EPAS1: variants seen among roughly 807,000 people sequenced by gnomAD.
The protein encoded by EPAS1 is endothelial PAS domain protein 1.
In EPAS1, 23 loss-of-function variants were observed where a neutral mutation model predicts 87.9. That is an observed-to-expected ratio of 0.26 (90% CI 0.19 to 0.37). EPAS1 has a LOEUF of 0.37. EPAS1 is among the 10% of genes least tolerant of loss of function. EPAS1 has a pLI of 1.00. For missense variants in EPAS1, 1,138 were observed against 1,120.7 expected, an observed-to-expected ratio of 1.02 and a Z score of -0.22; for synonymous variants, 508 against 444.3, an observed-to-expected ratio of 1.14 and a Z score of -1.80.
At chr2:46,314,576 G>A (rs1683275723) in intron 1 of EPAS1, among the ~76,000 whole-genome samples, 1 of 152,170 alleles carries the variant, frequency 6.6e-6, no homozygotes, top group South Asian at 2.1e-4. Context: ...TCTTCACAAT[G>A]GACTAGTAAG....
At chr2:46,320,852 G>T (rs1194323929) in intron 1 of EPAS1, among the ~76,000 whole-genome samples, 1 of 152,180 alleles carries the variant, frequency 6.6e-6, no homozygotes, top group Non-Finnish European at 1.5e-5. Context: ...TGGGGTTAAG[G>T]TGGTTAAATC....
chr2:46,381,826 T>G lies in EPAS1; in HGVS notation c.2172+104T>G, dbSNP rs556678085. On this transcript the variant is annotated intron_variant, in intron 13 of 15. Coordinates refer to ENST00000263734, the MANE Select transcript of EPAS1 (RefSeq NM_001430.5). ...GGCCCTTCCAAGCCAGCATAGCCCT[T>G]AGGGAACCCAGGGCTGCTGAGAGGG... The G allele has an allele frequency of 1.9e-6, 3 of 1,573,806 alleles. No homozygotes were observed. In the African/African-American group the frequency reaches 4.1e-5, roughly 21 times the overall value.
At chr2:46,351,561 G>T (rs942528172) in intron 2 of EPAS1, among the ~76,000 whole-genome samples, 1 of 152,140 alleles carries the variant, frequency 6.6e-6, no homozygotes, top group African/African-American at 2.4e-5. Flanking sequence ...CTGCACATCC[G>T]GGAGGGCGGG....
intron 1 of EPAS1, among the ~76,000 whole-genome samples, chr2:46,333,977 T>A (rs1683738201): frequency 6.6e-6 from 1 of 151,998 alleles, no homozygotes; most frequent in Admixed American, 6.6e-5. Flanking sequence ...ATCCCATGGG[T>A]AACATTTATG....
At chr2:46,339,856 A>C (rs868014750) in intron 1 of EPAS1, among the ~76,000 whole-genome samples, 13 of 152,180 alleles carry the variant, frequency 8.5e-5, no homozygotes, top group Non-Finnish European at 1.8e-4. Flanking sequence ...AAGGGGTGAG[A>C]GGGTTCCCCT....
chr2:46,345,000 T>G (rs1458274650), intron 1 of EPAS1, among the ~76,000 whole-genome samples: 1 of 152,254 alleles, frequency 6.6e-6, no homozygotes, highest in Non-Finnish European at 1.5e-5. Flanking sequence ...AATACAGATT[T>G]TCTGTCCAAA....
In EPAS1 at chr2:46,382,139, C is replaced by T. The variant is rs144804391; in HGVS notation, c.2287+50C>T. 2,830 of 1,559,464 alleles carry T rather than the reference C, an allele frequency of 1.8e-3. 51 individuals are homozygous for T. In the African/African-American group the frequency reaches 0.035, roughly 19 times the overall value. ...CCTCCTGGGGGTTCTGGTGGAAGGA[C>T]TGGGGCTCGGGAGCCCATCCTGGTT... On this transcript the variant is annotated intron_variant, in intron 14 of 15. Coordinates refer to ENST00000263734, the MANE Select transcript of EPAS1 (RefSeq NM_001430.5).
At chr2:46,344,438 C>T (rs1476387085) in intron 1 of EPAS1, among the ~76,000 whole-genome samples, 1 of 152,214 alleles carries the variant, frequency 6.6e-6, no homozygotes, top group Admixed American at 6.5e-5. Context: ...TGTTGGAGAG[C>T]ACAAGGGTTA....
At position 46,354,313 on chromosome 2, in the gene EPAS1, A is replaced by G. The variant is rs1347916238; in HGVS notation, c.218-1838A>G. ...AGTTCAGTGAATGTTAATGTTTGCA[A>G]CTGACATATTACTCTCATCCACTTG... On this transcript the variant is annotated intron_variant, in intron 2 of 15. Transcript: ENST00000263734. 3.3e-5 allele frequency among the ~76,000 whole-genome samples: 5 copies of G among 152,178 alleles called. No homozygotes were observed. The East Asian group carries it at 7.7e-4, about 23-fold the overall frequency.
At chr2:46,322,106 C>A (rs536766599) in intron 1 of EPAS1, among the ~76,000 whole-genome samples, 58 of 152,222 alleles carry the variant, frequency 3.8e-4, no homozygotes, top group African/African-American at 1.3e-3. Context: ...ATCCTGGGCC[C>A]ACTTTCTTCC....
chr2:46,329,091 G>C (rs1322198122), intron 1 of EPAS1, among the ~76,000 whole-genome samples: 1 of 152,232 alleles, frequency 6.6e-6, no homozygotes, highest in Middle Eastern at 3.2e-3. Flanking sequence ...ACTTGATAGA[G>C]TGTTAGAGCT....
At chr2:46,302,734 G>GAA (rs368452487) in intron 1 of EPAS1, among the ~76,000 whole-genome samples, 89 of 119,458 alleles carry the variant, frequency 7.5e-4, no homozygotes, top group East Asian at 2.7e-3. Context: ...GTCTGATTAG[G>GAA]AAAAAAAAAA....
rs1684873988 is a variant in EPAS1, at chr2:46,380,854, G to A, written c.2045+137G>A. ...CCCATTTAGCCCTTCTCTGAGCTCA[G>A]ACTTTGGGGAATCACCTCAAGCCAT... On this transcript the variant is annotated intron_variant, in intron 12 of 15. Transcript: ENST00000263734. This position sits in a 1 kb window ranked among gnomAD's most constrained non-coding sequence, Gnocchi z 4.4. 1 of 1,463,214 alleles carries A rather than the reference G, an allele frequency of 6.8e-7. No homozygotes were observed. Among genetic ancestry groups the A allele is most frequent in the African/African-American group, 1.4e-5 (1 of 71,340 alleles). 90.6% of individuals were successfully genotyped at this position (1,463,214 alleles called of 1,614,324 possible). A position where few individuals can be genotyped will look rare whatever the true frequency, so the allele number is the denominator to read the frequency against.
chr2:46,369,954 T>C, intron 7 of EPAS1, 21 bp downstream of exon 7: 1 of 1,576,398 alleles, frequency 6.3e-7, no homozygotes, highest in Middle Eastern at 1.7e-4. Context: ...GGAGTGCCCC[T>C]TGTGGCTTCC....
intron 1 of EPAS1, among the ~76,000 whole-genome samples, chr2:46,325,134 T>C (rs769198921): frequency 3.9e-5 from 6 of 152,206 alleles, no homozygotes; most frequent in Non-Finnish European, 7.3e-5. Context: ...TTAAAAAGCA[T>C]GGTGAGGAAG....
At chr2:46,319,839 T>A (rs1683417686) in intron 1 of EPAS1, among the ~76,000 whole-genome samples, 1 of 152,242 alleles carries the variant, frequency 6.6e-6, no homozygotes, top group Admixed American at 6.5e-5. Flanking sequence ...TACTGTTTAG[T>A]CAAGACAAAT....
In EPAS1 at chr2:46,381,000, G is replaced by A. The variant is rs145312606; in HGVS notation, c.2045+283G>A. Among the ~76,000 whole-genome samples, 2 of 152,132 alleles carry A rather than the reference G, an allele frequency of 1.3e-5. No individual in the cohort carries two copies. The highest frequency in any genetic ancestry group is 6.5e-5 in the Admixed American group (1 of 15,284). ...TCGGACCACCACCAGAGTGCCTTTC[G>A]TATCTCGGTTCATCATCTGAGCCAC... On this transcript the variant is annotated intron_variant, in intron 12 of 15. Coordinates refer to ENST00000263734, the MANE Select transcript of EPAS1 (RefSeq NM_001430.5). The surrounding 1 kb of genome is among the most constrained non-coding windows in gnomAD (Gnocchi z 4.4).
Position 46,339,240 on chromosome 2 carries a change from C to T in EPAS1, c.27-7633C>T, listed in dbSNP as rs1413777384. Among the ~76,000 whole-genome samples, 6 of 152,248 alleles carry T rather than the reference C, an allele frequency of 3.9e-5. No individual in the cohort carries two copies. The East Asian group carries it at 1.2e-3, about 29-fold the overall frequency. On this transcript the variant is annotated intron_variant, in intron 1 of 15. Coordinates refer to ENST00000263734, the MANE Select transcript of EPAS1 (RefSeq NM_001430.5). ...AGATCTCAGCTCGTTTTCTTCATAC[C>T]TTTTTGTATTTTTGAAGTTGCTTAT...
intron 1 of EPAS1, among the ~76,000 whole-genome samples, chr2:46,312,317 T>C (rs1683229059): frequency 6.6e-6 from 1 of 152,224 alleles, no homozygotes; most frequent in Non-Finnish European, 1.5e-5. Context: ...TCTAGATCTT[T>C]CTCTGATGTG....
Sources: gnomAD v4.1 joint callset for allele counts (sites outside exome capture counted in the v4.1 genomes callset) on GRCh38, gnomAD v4.1.1 for gene constraint, Gnocchi (gnomAD v3.1) non-coding constraint, MANE v1.5 for transcripts, NCBI Gene and HGNC (gene_info 2026-07-23, HGNC 2026-07-21) for gene names.